Variants in PTDSS1 observed in about 807,000 individuals in gnomAD.
PTDSS1 encodes the protein phosphatidylserine synthase 1.
Under a neutral mutation model 70.5 loss-of-function variants are expected in PTDSS1, and 45 were observed. The observed-to-expected ratio is 0.64, with a 90% CI of 0.50 to 0.82. The LOEUF (loss-of-function observed/expected upper bound fraction) is 0.82, where lower values mean the gene tolerates loss of function less well. Among genes scored for constraint, PTDSS1 ranks in the 40% least tolerant of loss-of-function variants. PTDSS1 has a pLI of 0.00. For synonymous variants in PTDSS1, 188 were observed against 203.8 expected, an observed-to-expected ratio of 0.92 and a Z score of 0.66; for missense variants, 417 against 586.1, an observed-to-expected ratio of 0.71 and a Z score of 2.98.
intron 1 of PTDSS1, among the ~76,000 whole-genome samples, chr8:96,266,262 G>T (rs1810486313): frequency 6.6e-6 from 1 of 152,216 alleles, no homozygotes; most frequent in South Asian, 2.1e-4. Flanking sequence ...TTACCTAGAA[G>T]ACGTTGCCTT....
chr8:96,336,958 C>T lies in PTDSS1; in HGVS notation c.*3392C>T, dbSNP rs1274530139. On this transcript the variant is annotated 3_prime_UTR_variant, in exon 13 of 13. Coordinates refer to ENST00000517309, the MANE Select transcript of PTDSS1 (RefSeq NM_014754.3). ...TTCCAGTGAGCCGAGATCACGCCAC[C>T]GCACTCTCTAACCTGGGCGACAGAG... The T allele has an allele frequency of 2.1e-5, 3 of 146,156 alleles. No individual in the cohort carries two copies. Among genetic ancestry groups the T allele is most frequent in the African/African-American group, 2.6e-5 (1 of 38,644 alleles). The allele number at this position is 146,156 out of a possible 1,614,324, so 9.1% of individuals were successfully genotyped here.
intron 2 of PTDSS1, among the ~76,000 whole-genome samples, chr8:96,277,777 G>A (rs781008022): frequency 2.6e-5 from 4 of 152,228 alleles, no homozygotes; most frequent in Non-Finnish European, 5.9e-5. Context: ...AACTTCTACA[G>A]GAAGGGAGCC....
intron 11 of PTDSS1, 126 bp from the exon 12 acceptor site, chr8:96,330,900 T>A: frequency 1.4e-6 from 1 of 724,900 alleles, no homozygotes; most frequent in Non-Finnish European, 2.4e-6. Flanking sequence ...ACAGGGAGGT[T>A]CTGTCACTTG....
rs187542392 is a variant in PTDSS1, at chr8:96,288,669, G to A, written c.441+1523G>A. 5.1e-4 allele frequency among the ~76,000 whole-genome samples: 62 copies of A among 122,612 alleles called. No homozygotes were observed. The East Asian group carries it at 9.3e-3, about 18-fold the overall frequency. The allele number at this position is 122,612 out of a possible 152,430, so 80.4% of individuals were successfully genotyped here. Reference sequence around the variant, plus strand: ...TTTTGAGATGGTGCCTCACTCTGTCGCCCAGGCTGGAGCACAGTGGTGTGA... The same window carrying A: ...TTTTGAGATGGTGCCTCACTCTGTCACCCAGGCTGGAGCACAGTGGTGTGA... On this transcript the variant is annotated intron_variant, in intron 4 of 12. Coordinates refer to ENST00000517309, the MANE Select transcript of PTDSS1 (RefSeq NM_014754.3).
intron 7 of PTDSS1, among the ~76,000 whole-genome samples, chr8:96,305,940 C>T (rs1429255082): frequency 6.6e-6 from 1 of 152,192 alleles, no homozygotes; most frequent in Non-Finnish European, 1.5e-5. Context: ...CTCGGGCTTC[C>T]AAAGTGCTGG....
At chr8:96,322,242 T>G (rs1389778052) in intron 10 of PTDSS1, among the ~76,000 whole-genome samples, 6 of 152,216 alleles carry the variant, frequency 3.9e-5, no homozygotes, top group African/African-American at 1.4e-4. Flanking sequence ...CTCTGGTCCC[T>G]GTCTTAGTCC....
intron 6 of PTDSS1, among the ~76,000 whole-genome samples, chr8:96,303,022 T>G (rs969009902): frequency 3.9e-5 from 6 of 152,216 alleles, no homozygotes; most frequent in Admixed American, 2.0e-4. Flanking sequence ...AAAAATCCTA[T>G]TGGTGGTTTT....
chr8:96,273,172 G>T, intron 1 of PTDSS1, 127 bp from the exon 2 acceptor site: 2 of 634,000 alleles, frequency 3.2e-6, no homozygotes, highest in Non-Finnish European at 5.4e-6. Context: ...TCTTATTTCA[G>T]AACCTATGTT....
In PTDSS1 at chr8:96,334,000, A is replaced by G; in HGVS notation, c.*434A>G. The G allele has an allele frequency of 2.2e-6, 1 of 447,026 alleles. No homozygotes were observed. Among genetic ancestry groups the G allele is most frequent in the African/African-American group, 2.0e-5 (1 of 49,668 alleles). The allele number at this position is 447,026 out of a possible 1,614,324, so 27.7% of individuals were successfully genotyped here. On this transcript the variant is annotated 3_prime_UTR_variant, in exon 13 of 13. Coordinates refer to ENST00000517309, the MANE Select transcript of PTDSS1 (RefSeq NM_014754.3). ...TTTTTATGAATCTACCTTTCCATTGATTGATTTAAGTTCAGGCCACTTTTC... is the reference window on the plus strand; with the variant it reads ...TTTTTATGAATCTACCTTTCCATTGGTTGATTTAAGTTCAGGCCACTTTTC...
intron 1 of PTDSS1, among the ~76,000 whole-genome samples, chr8:96,271,409 A>G (rs1270194506): frequency 2.6e-5 from 4 of 152,176 alleles, no homozygotes; most frequent in Non-Finnish European, 5.9e-5. Context: ...CCAGCTTCCC[A>G]TCACAAGACT....
At chr8:96,331,608 C>T (rs899349748) in intron 12 of PTDSS1, among the ~76,000 whole-genome samples, 2 of 151,516 alleles carry the variant, frequency 1.3e-5, no homozygotes, top group African/African-American at 4.9e-5. Context: ...GAAAAAGAAA[C>T]ATGCAAAATG....
intron 10 of PTDSS1, among the ~76,000 whole-genome samples, chr8:96,324,555 TG>T (rs1811412717): frequency 6.6e-6 from 1 of 152,164 alleles, no homozygotes; most frequent in African/African-American, 2.4e-5. Context: ...GGTCATCCCA[TG>T]GTGGAAGGGC....
At chr8:96,299,562 C>G in intron 5 of PTDSS1, 132 bp from the exon 6 acceptor site, 35 of 995,944 alleles carry the variant, frequency 3.5e-5, no homozygotes, top group Non-Finnish European at 5.0e-5. Flanking sequence ...TGGTTATTTT[C>G]TGTACATTAG....
At chr8:96,308,463 C>T (rs938427531) in intron 8 of PTDSS1, among the ~76,000 whole-genome samples, 1 of 152,162 alleles carries the variant, frequency 6.6e-6, no homozygotes, top group African/African-American at 2.4e-5. Flanking sequence ...ATCAAATCCT[C>T]AAAGAGTCAG....
intron 9 of PTDSS1, among the ~76,000 whole-genome samples, chr8:96,316,769 C>T (rs1450636114): frequency 1.1e-4 from 17 of 152,034 alleles, no homozygotes; most frequent in Admixed American, 6.6e-4. Context: ...CCAAGGTGGG[C>T]GGATCACGAG....
At chr8:96,330,103 G>A (rs867023964) in intron 10 of PTDSS1, 110 bp from the exon 11 acceptor site, 12 of 1,041,442 alleles carry the variant, frequency 1.2e-5, no homozygotes, top group East Asian at 5.0e-5. Flanking sequence ...TGTAACCGGC[G>A]TCCAGACGGC....
At chr8:96,304,235 C>T in intron 7 of PTDSS1, 54 bp downstream of exon 7, 2 of 1,547,296 alleles carry the variant, frequency 1.3e-6, no homozygotes, top group Non-Finnish European at 1.7e-6. Flanking sequence ...AAAATAAAAA[C>T]TTTTTAGGAA....
At chr8:96,301,926 A>G (rs1811056633) in intron 6 of PTDSS1, among the ~76,000 whole-genome samples, 1 of 152,120 alleles carries the variant, frequency 6.6e-6, no homozygotes, top group Admixed American at 6.6e-5. Flanking sequence ...CCATTGGTTA[A>G]CCAGTTTTCC....
intron 4 of PTDSS1, among the ~76,000 whole-genome samples, chr8:96,293,107 G>C (rs555539930): frequency 6.6e-6 from 1 of 152,174 alleles, no homozygotes; most frequent in Admixed American, 6.5e-5. Context: ...ATGCATGCAC[G>C]TTCCGTGATC....
Sources: gnomAD v4.1 joint callset for allele counts (sites outside exome capture counted in the v4.1 genomes callset) on GRCh38, gnomAD v4.1.1 for gene constraint, MANE v1.5 for transcripts, NCBI Gene and HGNC (gene_info 2026-07-23, HGNC 2026-07-21) for gene names.